Variants in FHIT observed in about 807,000 individuals in gnomAD.
FHIT encodes the protein fragile histidine triad diadenosine triphosphatase.
In FHIT, 19 loss-of-function variants were observed where a neutral mutation model predicts 17.9. The ratio of observed to expected loss-of-function variants is 1.06; its 90% confidence interval spans 0.74 to 1.56. The LOEUF (loss-of-function observed/expected upper bound fraction) is 1.56, where lower values mean the gene tolerates loss of function less well. Ranked by LOEUF, FHIT falls within the 40% of genes most tolerant of loss-of-function variation. The pLI is 0.00. For synonymous variants in FHIT, 81 were observed against 69.7 expected (o/e 1.16, Z -0.81); for missense variants, 248 against 189.2 (o/e 1.31, Z -1.82).
intron 5 of FHIT, among the ~76,000 whole-genome samples, chr3:60,195,218 C>A (rs1702574172): frequency 6.6e-6 from 1 of 151,838 alleles, no homozygotes; most frequent in Admixed American, 6.6e-5. Context: ...CACCATTTTA[C>A]CCCCTCCAGA....
At chr3:60,626,910 T>C (rs1256541267) in intron 4 of FHIT, among the ~76,000 whole-genome samples, 2 of 151,956 alleles carry the variant, frequency 1.3e-5, no homozygotes, top group African/African-American at 4.8e-5. Context: ...GAAAGGGTGT[T>C]AAATGTTTTT....
At chr3:60,437,488 A>G (rs928594376) in intron 5 of FHIT, among the ~76,000 whole-genome samples, 1 of 152,124 alleles carries the variant, frequency 6.6e-6, no homozygotes, top group Non-Finnish European at 1.5e-5. Context: ...TATGCCCGCC[A>G]TGACACATCA....
chr3:60,780,676 G>A (rs1335457305), intron 4 of FHIT, among the ~76,000 whole-genome samples: 1 of 152,142 alleles, frequency 6.6e-6, no homozygotes, highest in Non-Finnish European at 1.5e-5. Flanking sequence ...CCTCTCAGCA[G>A]GAAGCAGTTA....
chr3:60,576,658 G>T (rs558866932), intron 4 of FHIT, among the ~76,000 whole-genome samples: 1 of 152,260 alleles, frequency 6.6e-6, no homozygotes, highest in African/African-American at 2.4e-5. Flanking sequence ...AGAACAGACC[G>T]TGAAAATGTG....
chr3:60,765,370 C>T (rs1294066656), intron 4 of FHIT, among the ~76,000 whole-genome samples: 1 of 152,054 alleles, frequency 6.6e-6, no homozygotes, highest in East Asian at 1.9e-4. Flanking sequence ...GTGAACCAAG[C>T]TTTCTTTCAA....
chr3:60,547,424 T>A (rs551888753), intron 4 of FHIT, among the ~76,000 whole-genome samples: 2 of 152,300 alleles, frequency 1.3e-5, no homozygotes, highest in African/African-American at 4.8e-5. Context: ...TACTCTCTCT[T>A]TATAAACAAA....
intron 2 of FHIT, among the ~76,000 whole-genome samples, chr3:61,137,568 G>T (rs895644520): frequency 6.6e-6 from 1 of 152,148 alleles, no homozygotes; most frequent in Non-Finnish European, 1.5e-5. Flanking sequence ...ATAATGTAAA[G>T]ATACCTGGGG....
chr3:60,277,593 T>A (rs575164250), intron 5 of FHIT, among the ~76,000 whole-genome samples: 2 of 152,286 alleles, frequency 1.3e-5, no homozygotes, highest in African/African-American at 2.4e-5. Context: ...TCCAGCTTCC[T>A]CGCATGTTAT....
At chr3:60,753,823 C>T (rs759074308) in intron 4 of FHIT, among the ~76,000 whole-genome samples, 4 of 152,056 alleles carry the variant, frequency 2.6e-5, no homozygotes, top group East Asian at 3.9e-4. Flanking sequence ...TTTGTTAAGA[C>T]GATTTTCTAT....
chr3:60,011,976 C>A (rs1700155705), intron 6 of FHIT, among the ~76,000 whole-genome samples: 2 of 152,054 alleles, frequency 1.3e-5, no homozygotes, highest in South Asian at 4.1e-4. Flanking sequence ...AGTCACCAGC[C>A]ATAATATAAA....
chr3:60,927,979 C>T (rs1340415619), intron 3 of FHIT, among the ~76,000 whole-genome samples: 1 of 152,224 alleles, frequency 6.6e-6, no homozygotes, highest in African/African-American at 2.4e-5. Context: ...ATTCTTCTGC[C>T]TTGGGATGCT....
intron 8 of FHIT, among the ~76,000 whole-genome samples, chr3:59,755,599 T>C (rs956222462): frequency 2.0e-5 from 3 of 152,220 alleles, no homozygotes; most frequent in Non-Finnish European, 4.4e-5. Context: ...CGGTGACTAC[T>C]TGTTAACACA....
At chr3:60,672,308 G>A (rs902830549) in intron 4 of FHIT, among the ~76,000 whole-genome samples, 18 of 151,072 alleles carry the variant, frequency 1.2e-4, no homozygotes, top group Non-Finnish European at 7.4e-5. Flanking sequence ...GAGAGTTAGC[G>A]AAGGGAGATA....
chr3:60,079,777 T>A (rs1703196347), intron 5 of FHIT, among the ~76,000 whole-genome samples: 1 of 152,018 alleles, frequency 6.6e-6, no homozygotes, highest in South Asian at 2.1e-4. Flanking sequence ...ACCATAAACT[T>A]CAGTGCTTGC....
chr3:60,441,790 A>G (rs372906413), intron 5 of FHIT, among the ~76,000 whole-genome samples: 27,836 of 42,864 alleles, frequency 0.65, 10,392 homozygotes, highest in Admixed American at 0.74. Context: ...AAAAATATAT[A>G]TATATATATA....
chr3:60,031,773 T>A (rs114917308), intron 5 of FHIT, among the ~76,000 whole-genome samples: 305 of 152,234 alleles, frequency 2.0e-3, no homozygotes, highest in African/African-American at 7.1e-3. Context: ...CCACAGAGGC[T>A]TAGCAGAGGG....
intron 8 of FHIT, among the ~76,000 whole-genome samples, chr3:59,755,074 T>C (rs1020212035): frequency 3.3e-5 from 5 of 152,184 alleles, no homozygotes; most frequent in African/African-American, 9.7e-5. Flanking sequence ...TTGGGAGAAG[T>C]GTGTAGATAG....
At chr3:59,775,188 C>T (rs1023141236) in intron 8 of FHIT, among the ~76,000 whole-genome samples, 3 of 152,110 alleles carry the variant, frequency 2.0e-5, no homozygotes, top group South Asian at 2.1e-4. Context: ...CTATTCATCC[C>T]GATCAGGTCC....
chr3:60,871,652 G>A (rs1158428061), intron 3 of FHIT, among the ~76,000 whole-genome samples: 4 of 151,962 alleles, frequency 2.6e-5, no homozygotes, highest in African/African-American at 9.7e-5. Flanking sequence ...ATTTTTTTCT[G>A]AAATGGAGTC....
Sources: allele counts gnomAD v4.1 joint callset (sites outside exome capture counted in the v4.1 genomes callset), GRCh38; gene constraint gnomAD v4.1.1; transcripts MANE v1.5; gene names NCBI Gene and HGNC (gene_info 2026-07-23, HGNC 2026-07-21).